Variants in C1orf21 observed in about 807,000 individuals in gnomAD.
The protein encoded by C1orf21 is uncharacterized protein C1orf21.
A neutral mutation model predicts 18.7 loss-of-function variants in C1orf21; 3 were observed. That is an observed-to-expected ratio of 0.16 (90% CI 0.07 to 0.42). C1orf21 has a LOEUF of 0.42. C1orf21 is among the 10% of genes least tolerant of loss of function. C1orf21 has a pLI of 0.99. For missense variants in C1orf21, 104 were observed against 143.6 expected (o/e 0.72, Z 1.41); for synonymous variants, 41 against 46.4 (o/e 0.88, Z 0.47).
chr1:184,526,882 T>A lies in C1orf21; in HGVS notation c.189+19200T>A, dbSNP rs558113021. Among the ~76,000 whole-genome samples, 17 of 152,252 alleles carry A rather than the reference T, an allele frequency of 1.1e-4. 1 individual carries two copies. The South Asian group carries it at 3.5e-3, about 32-fold the overall frequency. ...GCCAGCTACTGTCCTTGGTTCTGGG[T>A]ATTATAAGTAAAACCCGCAGTCCCG... On this transcript the variant is annotated intron_variant, in intron 3 of 5. Transcript: ENST00000235307.
chr1:184,595,109 TG>T (rs1188034755), intron 4 of C1orf21, among the ~76,000 whole-genome samples: 1 of 152,194 alleles, frequency 6.6e-6, no homozygotes, highest in African/African-American at 2.4e-5. Context: ...AGTGCTGCAT[TG>T]AGTTTTCCAA....
chr1:184,599,096 G>A (rs981916761), intron 5 of C1orf21, among the ~76,000 whole-genome samples: 4 of 152,108 alleles, frequency 2.6e-5, no homozygotes, highest in Non-Finnish European at 4.4e-5. Context: ...ATACAAAGTC[G>A]ATCTGTCATA....
chr1:184,577,947 G>GTTTTTTTTTTTTTTTTT (rs201196718), intron 3 of C1orf21, among the ~76,000 whole-genome samples: 15 of 86,738 alleles, frequency 1.7e-4, no homozygotes, highest in Non-Finnish European at 2.2e-4. Flanking sequence ...TTTTTGTTTT[G>GTTTTTTTTTTTTTTTTT]TTTTTGTTTT....
chr1:184,534,449 G>A (rs971486954), intron 3 of C1orf21, among the ~76,000 whole-genome samples: 16 of 152,126 alleles, frequency 1.1e-4, no homozygotes, highest in Admixed American at 9.2e-4. Context: ...GACATCAATT[G>A]CCTCTCACAG....
intron 2 of C1orf21, among the ~76,000 whole-genome samples, chr1:184,489,632 C>A (rs1571382480): frequency 6.6e-6 from 1 of 152,114 alleles, no homozygotes; most frequent in South Asian, 2.1e-4. Flanking sequence ...GTCTTTCTCA[C>A]TGATGAAACA....
chr1:184,578,050 G>A (rs1659220485), intron 3 of C1orf21, among the ~76,000 whole-genome samples: 1 of 150,524 alleles, frequency 6.6e-6, no homozygotes, highest in African/African-American at 2.5e-5. Context: ...TCCACCTCCG[G>A]GGTTCAAGCA....
At chr1:184,460,204 G>T (rs1030688936) in intron 1 of C1orf21, among the ~76,000 whole-genome samples, 1 of 152,194 alleles carries the variant, frequency 6.6e-6, no homozygotes, top group Non-Finnish European at 1.5e-5. Flanking sequence ...AAATAGTTTA[G>T]TGGGGGCAGG....
rs140988950 is a variant in C1orf21 at position 184,443,650 on chromosome 1, G to T, written c.-124-33736G>T. Among the ~76,000 whole-genome samples the T allele has an allele frequency of 1.4e-3, 215 of 152,320 alleles. 1 individual carries two copies. In the East Asian group the frequency reaches 0.014, roughly 10 times the overall value. On this transcript the variant is annotated intron_variant, in intron 1 of 5. Coordinates refer to ENST00000235307, the MANE Select transcript of C1orf21 (RefSeq NM_030806.4). ...GGTTATTTCCTCCAGTCATTACACT[G>T]TTGGTGATTTATTTCTCTAGGATTC...
chr1:184,559,307 C>G (rs916674454), intron 3 of C1orf21, among the ~76,000 whole-genome samples: 1 of 152,084 alleles, frequency 6.6e-6, no homozygotes, highest in African/African-American at 2.4e-5. Context: ...CTTTCACCAC[C>G]TGAAGTGCCT....
At chr1:184,435,922 A>C (rs998436117) in intron 1 of C1orf21, among the ~76,000 whole-genome samples, 1 of 152,244 alleles carries the variant, frequency 6.6e-6, no homozygotes, top group Non-Finnish European at 1.5e-5. Flanking sequence ...AGTTGCAACT[A>C]ATGTTGCATG....
At chr1:184,453,212 C>G (rs1035110053) in intron 1 of C1orf21, among the ~76,000 whole-genome samples, 7 of 152,138 alleles carry the variant, frequency 4.6e-5, no homozygotes, top group Admixed American at 3.9e-4. Flanking sequence ...TTTCCTTCTG[C>G]AGAGATTCTC....
At chr1:184,560,190 ATGATTAG>A in intron 3 of C1orf21, among the ~76,000 whole-genome samples, 1 of 152,356 alleles carries the variant, frequency 6.6e-6, no homozygotes, top group South Asian at 2.1e-4. Context: ...TTAAACAATT[ATGATTAG>A]TCACATGCTT....
intron 1 of C1orf21, among the ~76,000 whole-genome samples, chr1:184,438,211 C>A (rs148725816): frequency 6.8e-4 from 104 of 152,312 alleles, no homozygotes; most frequent in African/African-American, 2.4e-3. Context: ...CTTCTCCTTC[C>A]TGATGAAGGT....
intron 1 of C1orf21, among the ~76,000 whole-genome samples, chr1:184,433,707 C>T (rs1571355518): frequency 6.6e-6 from 1 of 152,086 alleles, no homozygotes; most frequent in Admixed American, 6.6e-5. Flanking sequence ...ATTATTTCAG[C>T]ATGTGACACT....
intron 4 of C1orf21, among the ~76,000 whole-genome samples, chr1:184,594,738 T>C (rs1164554533): frequency 1.3e-5 from 2 of 152,192 alleles, no homozygotes; most frequent in Non-Finnish European, 2.9e-5. Flanking sequence ...TCCAGTTGTC[T>C]TTAGCTCAAA....
chr1:184,463,450 A>G (rs1657338656), intron 1 of C1orf21, among the ~76,000 whole-genome samples: 1 of 152,202 alleles, frequency 6.6e-6, no homozygotes, highest in South Asian at 2.1e-4. Flanking sequence ...TATAGCCTGT[A>G]ATAATTATAA....
chr1:184,482,125 C>T (rs1193996471), intron 2 of C1orf21, among the ~76,000 whole-genome samples: 2 of 152,118 alleles, frequency 1.3e-5, no homozygotes, highest in African/African-American at 2.4e-5. Flanking sequence ...CTTATTATTC[C>T]TCACGATTCT....
intron 1 of C1orf21, among the ~76,000 whole-genome samples, chr1:184,464,988 C>T (rs1033512606): frequency 6.6e-6 from 1 of 152,148 alleles, no homozygotes; most frequent in African/African-American, 2.4e-5. Flanking sequence ...CCAGGCTGAT[C>T]AGGAACTCCT....
intron 3 of C1orf21, among the ~76,000 whole-genome samples, chr1:184,545,149 G>A (rs1038754156): frequency 6.6e-6 from 1 of 152,116 alleles, no homozygotes; most frequent in East Asian, 1.9e-4. Context: ...GGTCCTTGCA[G>A]GCCATCTTGG....
Sources: allele counts gnomAD v4.1 joint callset (sites outside exome capture counted in the v4.1 genomes callset), GRCh38; gene constraint gnomAD v4.1.1; transcripts MANE v1.5; gene names NCBI Gene and HGNC (gene_info 2026-07-23, HGNC 2026-07-21).